Variants in SGCZ observed in about 807,000 individuals in gnomAD.
SGCZ encodes zeta-sarcoglycan.
SGCZ carries 40 observed loss-of-function variants against 41.3 expected under a neutral mutation model. The ratio of observed to expected loss-of-function variants is 0.97; its 90% CI spans 0.75 to 1.26. The LOEUF (loss-of-function observed/expected upper bound fraction) is 1.26. SGCZ is among the 50% of genes most tolerant of loss of function. SGCZ has a pLI of 0.00. For synonymous variants in SGCZ, 206 were observed against 137.5 expected, an observed-to-expected ratio of 1.50 and a Z score of -3.49; for missense variants, 552 against 369.8, an observed-to-expected ratio of 1.49 and a Z score of -4.04.
At chr8:14,712,388 T>C (rs1036460138) in intron 1 of SGCZ, among the ~76,000 whole-genome samples, 2 of 152,200 alleles carry the variant, frequency 1.3e-5, no homozygotes, top group Non-Finnish European at 2.9e-5. Context: ...GAAACCATTT[T>C]TACAGAGGCA....
chr8:14,816,922 A>G (rs1316407248), intron 1 of SGCZ, among the ~76,000 whole-genome samples: 1 of 152,250 alleles, frequency 6.6e-6, no homozygotes, highest in African/African-American at 2.4e-5. Flanking sequence ...ACACCAAAAT[A>G]CATATATCAC....
intron 1 of SGCZ, among the ~76,000 whole-genome samples, chr8:15,103,200 C>T (rs187076699): frequency 6.6e-6 from 1 of 151,804 alleles, no homozygotes; most frequent in Admixed American, 6.6e-5. Context: ...CAGGAGTTTG[C>T]AACCAACCTG....
chr8:14,599,467 A>C (rs190247538), intron 1 of SGCZ, among the ~76,000 whole-genome samples: 1 of 152,282 alleles, frequency 6.6e-6, no homozygotes, highest in East Asian at 1.9e-4. Context: ...TAATTTCACA[A>C]GTGTAAATGT....
rs182303320 is a variant in SGCZ at position 14,743,673 on chromosome 8, T to C, written c.40-188747A>G. 2.3e-3 allele frequency among the ~76,000 whole-genome samples: 352 copies of C among 152,088 alleles called. 3 individuals are homozygous for C. The highest frequency in any genetic ancestry group is 8.3e-3 in the African/African-American group (343 of 41,516). Reference sequence around the variant, plus strand: ...GAGTGAAGATTTCCCCTCAGTTTGCTCTCCCCCGCCCGACACCCATCAAGT... The same window carrying C: ...GAGTGAAGATTTCCCCTCAGTTTGCCCTCCCCCGCCCGACACCCATCAAGT... On this transcript the variant is annotated intron_variant, in intron 1 of 7. Coordinates refer to ENST00000382080, the MANE Select transcript of SGCZ (RefSeq NM_139167.4).
intron 3 of SGCZ, among the ~76,000 whole-genome samples, chr8:14,313,047 T>C (rs997784403): frequency 6.6e-6 from 1 of 152,172 alleles, no homozygotes; most frequent in East Asian, 1.9e-4. Context: ...CTTGCATTCC[T>C]GCTCAACAAC....
At chr8:14,600,670 C>T (rs368856394) in intron 1 of SGCZ, among the ~76,000 whole-genome samples, 57 of 152,188 alleles carry the variant, frequency 3.7e-4, no homozygotes, top group South Asian at 1.9e-3. Context: ...CAGCACATAC[C>T]GCACTCTGAT....
intron 2 of SGCZ, among the ~76,000 whole-genome samples, chr8:14,433,863 C>A (rs531630999): frequency 3.2e-4 from 49 of 152,264 alleles, no homozygotes; most frequent in Non-Finnish European, 6.0e-4. Context: ...CAGGCAACAA[C>A]TGTTTGAGAA....
intron 1 of SGCZ, among the ~76,000 whole-genome samples, chr8:15,177,617 T>C (rs1037513749): frequency 1.3e-5 from 2 of 152,308 alleles, no homozygotes; most frequent in Non-Finnish European, 2.9e-5. Flanking sequence ...AAGGAACTGA[T>C]GGAACAGTAA....
intron 1 of SGCZ, among the ~76,000 whole-genome samples, chr8:14,847,240 T>C (rs1032046939): frequency 6.6e-5 from 10 of 152,216 alleles, no homozygotes; most frequent in African/African-American, 2.4e-4. Context: ...AGGAAAGTCC[T>C]GTTTTTCCAA....
chr8:14,897,571 G>C (rs894767742), intron 1 of SGCZ, among the ~76,000 whole-genome samples: 1 of 152,186 alleles, frequency 6.6e-6, no homozygotes, highest in African/African-American at 2.4e-5. Flanking sequence ...TACAGGTCTA[G>C]TGTCAGTGCC....
At chr8:15,014,240 G>A (rs1293977859) in intron 1 of SGCZ, among the ~76,000 whole-genome samples, 2 of 152,128 alleles carry the variant, frequency 1.3e-5, no homozygotes, top group African/African-American at 4.8e-5. Context: ...AAAAAGAAAT[G>A]GCTCAGCCAT....
chr8:14,638,617 C>G (rs1418509596), intron 1 of SGCZ, among the ~76,000 whole-genome samples: 1 of 151,782 alleles, frequency 6.6e-6, no homozygotes, highest in South Asian at 2.1e-4. Context: ...TTAAAGGTTT[C>G]CTAGAATGAG....
At chr8:14,142,735 G>C (rs1337483956) in intron 5 of SGCZ, among the ~76,000 whole-genome samples, 1 of 152,062 alleles carries the variant, frequency 6.6e-6, no homozygotes, top group African/African-American at 2.4e-5. Context: ...CGAGGCCATG[G>C]AGGTGGCTTC....
At chr8:14,494,975 G>A (rs1801948823) in intron 2 of SGCZ, among the ~76,000 whole-genome samples, 1 of 152,074 alleles carries the variant, frequency 6.6e-6, no homozygotes, top group Non-Finnish European at 1.5e-5. Flanking sequence ...AGGTAATTTG[G>A]GGAATGTGTC....
chr8:14,412,047 C>T (rs1799374912), intron 2 of SGCZ, among the ~76,000 whole-genome samples: 1 of 152,074 alleles, frequency 6.6e-6, no homozygotes, highest in African/African-American at 2.4e-5. Context: ...GACCATCCTT[C>T]CCATAAAGCC....
rs10562709 is a variant in SGCZ, at chr8:14,977,880, TACAC to T, written c.39+259701_39+259704del. Among the ~76,000 whole-genome samples, 1,008 of 149,636 alleles carry T rather than the reference TACAC, an allele frequency of 6.7e-3. 5 individuals are homozygous for T. Among genetic ancestry groups the T allele is most frequent in the South Asian group, 0.02 (95 of 4,710 alleles). ...CAGGCTTTAAAATCAAGAACAATTT[TACAC>T]ACACACACACACACACACACACACA... On this transcript the variant is annotated intron_variant, in intron 1 of 7. Transcript: ENST00000382080.
intron 1 of SGCZ, among the ~76,000 whole-genome samples, chr8:15,101,035 T>G (rs1001991971): frequency 1.3e-5 from 2 of 151,998 alleles, no homozygotes; most frequent in African/African-American, 4.8e-5. Flanking sequence ...AAACAAATGG[T>G]GATAGAACAA....
intron 3 of SGCZ, among the ~76,000 whole-genome samples, chr8:14,301,652 TATTC>T (rs1444167284): frequency 6.6e-6 from 1 of 152,114 alleles, no homozygotes; most frequent in Non-Finnish European, 1.5e-5. Context: ...TTAAAACCCT[TATTC>T]ATTCAAGGTA....
chr8:14,778,100 T>A (rs910782293), intron 1 of SGCZ, among the ~76,000 whole-genome samples: 2 of 152,080 alleles, frequency 1.3e-5, no homozygotes, highest in Non-Finnish European at 2.9e-5. Context: ...ATAATTTTTT[T>A]TTGTTTTTGT....
Sources: allele counts gnomAD v4.1 joint callset (sites outside exome capture counted in the v4.1 genomes callset), GRCh38; gene constraint gnomAD v4.1.1; transcripts MANE v1.5; gene names NCBI Gene and HGNC (gene_info 2026-07-23, HGNC 2026-07-21).